The following GALNT5 variants were observed in gnomAD, a reference collection of about 807,000 sequenced individuals.
GALNT5 encodes the protein polypeptide N-acetylgalactosaminyltransferase 5, also known as UDP-GalNAc:polypeptide N-acetylgalactosaminyltransferase 5.
GALNT5 carries 72 observed loss-of-function variants against 85.4 expected under a neutral mutation model. That is an observed-to-expected ratio of 0.84 (90% CI 0.70 to 1.03). The LOEUF is 1.03. Ranked by LOEUF, GALNT5 falls within the 50% of genes least tolerant of loss-of-function variation. GALNT5 has a pLI of 0.00. For synonymous variants in GALNT5, 404 were observed against 397.0 expected, an observed-to-expected ratio of 1.02 and a Z score of -0.21; for missense variants, 1,137 against 1,135.5, an observed-to-expected ratio of 1.00 and a Z score of -0.02.
chr2:157,305,897 C>A, intron 8 of GALNT5, 68 bp downstream of exon 8: 1 of 838,462 alleles, frequency 1.2e-6, no homozygotes, highest in Non-Finnish European at 2.0e-6. Flanking sequence ...CATTGCTCAA[C>A]TGAGAAATTC....
intron 9 of GALNT5, among the ~76,000 whole-genome samples, chr2:157,310,764 T>C (rs907704699): frequency 3.3e-5 from 5 of 152,182 alleles, no homozygotes; most frequent in African/African-American, 1.2e-4. Flanking sequence ...AAGGAGCTCA[T>C]AAATAAAATA....
intron 8 of GALNT5, among the ~76,000 whole-genome samples, chr2:157,307,485 T>C (rs151274445): frequency 4.7e-4 from 72 of 152,318 alleles, no homozygotes; most frequent in Admixed American, 1.4e-3. Flanking sequence ...AACTTCCTTA[T>C]ATTATGCCAT....
At chr2:157,304,277 T>A (rs1392347908) in intron 7 of GALNT5, among the ~76,000 whole-genome samples, 1 of 152,214 alleles carries the variant, frequency 6.6e-6, no homozygotes, top group African/African-American at 2.4e-5. Flanking sequence ...CCTCCCATAT[T>A]TGTCATTTTA....
At chr2:157,273,290 T>C (rs941787623) in intron 1 of GALNT5, among the ~76,000 whole-genome samples, 10 of 152,192 alleles carry the variant, frequency 6.6e-5, no homozygotes, top group African/African-American at 2.2e-4. Context: ...AGTTCCAAAA[T>C]TGTCCTCTAA....
rs1259155457 is a variant in GALNT5 at position 157,311,819 on chromosome 2, T to G, written c.*471T>G. 1 of 153,214 alleles carries G rather than the reference T, an allele frequency of 6.5e-6. No homozygotes were observed. The highest frequency in any genetic ancestry group is 1.5e-5 in the Non-Finnish European group (1 of 68,842). 9.5% of individuals were successfully genotyped at this position (153,214 alleles called of 1,614,324 possible). On this transcript the variant is annotated 3_prime_UTR_variant, in exon 10 of 10. Transcript: ENST00000259056. ...GTTCTTATGGCTAGAAGACCTCAGATGCCCACAGCTGTCACGTTTGTGAAA... is the reference window on the plus strand; with the variant it reads ...GTTCTTATGGCTAGAAGACCTCAGAGGCCCACAGCTGTCACGTTTGTGAAA...
chr2:157,285,302 C>T (rs1011905497), intron 2 of GALNT5, among the ~76,000 whole-genome samples: 1 of 152,040 alleles, frequency 6.6e-6, no homozygotes, highest in African/African-American at 2.4e-5. Context: ...GGAATAGTAC[C>T]CAATTAGTAA....
rs1199808841 is a variant in GALNT5 at position 157,311,785 on chromosome 2, A to G, written c.*437A>G. The stretch of plus-strand genomic sequence containing the variant: ...TTGGGGATTTTTTCATCAAACAAAA[A>G]TTTCTTGAGTTCTTATGGCTAGAAG... On this transcript the variant is annotated 3_prime_UTR_variant, in exon 10 of 10. Transcript: ENST00000259056. The G allele has an allele frequency of 6.5e-6, 1 of 153,900 alleles. No homozygotes were observed. Among genetic ancestry groups the G allele is most frequent in the African/African-American group, 2.4e-5 (1 of 41,458 alleles). The allele number at this position is 153,900 out of a possible 1,614,324, so 9.5% of individuals were successfully genotyped here. A position where few individuals can be genotyped will look rare whatever the true frequency, so the allele number is the denominator to read the frequency against.
At chr2:157,287,272 T>C (rs545548379) in intron 3 of GALNT5, among the ~76,000 whole-genome samples, 1 of 152,326 alleles carries the variant, frequency 6.6e-6, no homozygotes, top group East Asian at 1.9e-4. Flanking sequence ...CCATTGATCA[T>C]CCTTGCTTAA....
intron 9 of GALNT5, among the ~76,000 whole-genome samples, chr2:157,310,320 G>A (rs1438150166): frequency 1.3e-5 from 2 of 152,022 alleles, no homozygotes; most frequent in Admixed American, 1.3e-4. Flanking sequence ...TTTTTCAGTA[G>A]TTTTCATGCT....
chr2:157,302,128 C>T lies in GALNT5; in HGVS notation c.2439+1129C>T, dbSNP rs191533970. 269 of 152,298 alleles carry T rather than the reference C, an allele frequency of 1.8e-3. 1 individual carries two copies. The highest frequency in any genetic ancestry group is 6.2e-3 in the African/African-American group (257 of 41,552). The allele number at this position is 152,298 out of a possible 1,614,324, so 9.4% of individuals were successfully genotyped here. Reference sequence around the variant, plus strand: ...CCCCAGTGTTTTTGTTTTATTTCAGCTTCCTTTTTCTTCATCCAAGAAATT... The same window carrying T: ...CCCCAGTGTTTTTGTTTTATTTCAGTTTCCTTTTTCTTCATCCAAGAAATT... On this transcript the variant is annotated intron_variant, in intron 7 of 9. Transcript: ENST00000259056.
chr2:157,269,958 G>A (rs953375517), intron 1 of GALNT5, among the ~76,000 whole-genome samples: 7 of 151,504 alleles, frequency 4.6e-5, no homozygotes, highest in African/African-American at 1.7e-4. Flanking sequence ...GAACTGATTT[G>A]ATTTTTTTTT....
In GALNT5 at chr2:157,317,680, T is replaced by A. The variant is rs1464322988; in HGVS notation, c.*6332T>A. Among the ~76,000 whole-genome samples the A allele has an allele frequency of 6.6e-6, 1 of 152,174 alleles. No homozygotes were observed. The highest frequency in any genetic ancestry group is 1.5e-5 in the Non-Finnish European group (1 of 68,014). ...GTTATTATAAAGAAGGAATCAAGTA[T>A]GTAACTTTAAATTCTAGGTAAACAT... On this transcript the variant is annotated 3_prime_UTR_variant, in exon 10 of 10. Coordinates refer to ENST00000259056, the MANE Select transcript of GALNT5 (RefSeq NM_014568.3).
Position 157,258,213 on chromosome 2 carries a change from TC to T in GALNT5, c.132del (p.Ile45SerfsTer6). 1 of 1,613,758 alleles carries T rather than the reference TC, an allele frequency of 6.2e-7. No homozygotes were observed. Among genetic ancestry groups the T allele is most frequent in the Non-Finnish European group, 8.5e-7 (1 of 1,179,938 alleles). On this transcript the variant is annotated frameshift_variant, in exon 1 of 10. Coordinates refer to ENST00000259056, the MANE Select transcript of GALNT5 (RefSeq NM_014568.3). LOFTEE classifies it high-confidence loss of function. ...TCATTCAGTGAGATCAACACTCGGG[TC>T]ATCAAGGAAGACATTGTGAGGAGGG... ...RLSFSEINTRVIKEDIVRRER... is the reference protein window; with the variant it reads ...RLSFSEINTRXIKEDIVRRER...
At chr2:157,282,061 G>A (rs1682866696) in intron 1 of GALNT5, among the ~76,000 whole-genome samples, 2 of 152,190 alleles carry the variant, frequency 1.3e-5, no homozygotes. Flanking sequence ...ATTCAGAAGT[G>A]CTAATGCATG....
intron 9 of GALNT5, among the ~76,000 whole-genome samples, chr2:157,310,514 C>A (rs923940149): frequency 2.6e-5 from 4 of 152,040 alleles, no homozygotes; most frequent in African/African-American, 9.7e-5. Context: ...TGTTTGATAA[C>A]TTTTTAAAGT....
chr2:157,295,766 A>G lies in GALNT5; in HGVS notation c.1845A>G (p.Pro615=). The part of the protein sequence containing the change: ...VYLSRKKVAC[P]VIEVINDKDM... Reference sequence around the variant, plus strand: ...TAAGTAGAAAGAAAGTGGCCTGTCCAGTAATCGAAGTCATCAATGATAAGG... The same window carrying G: ...TAAGTAGAAAGAAAGTGGCCTGTCCGGTAATCGAAGTCATCAATGATAAGG... Residue 615 remains proline, a synonymous_variant, in exon 4 of 10, where the codon CCA becomes CCG. Transcript: ENST00000259056. The G allele has an allele frequency of 1.2e-6, 2 of 1,608,430 alleles. No individual in the cohort carries two copies. The highest frequency in any genetic ancestry group is 1.7e-6 in the Non-Finnish European group (2 of 1,175,148).
Position 157,299,654 on chromosome 2 carries a change from C to T in GALNT5, c.2104C>T (p.Leu702Phe), listed in dbSNP as rs761334325. 1.9e-6 allele frequency: 3 copies of T among 1,579,306 alleles called. No individual in the cohort carries two copies. The highest frequency in any genetic ancestry group is 2.6e-6 in the Non-Finnish European group (3 of 1,149,464). Reference sequence around the variant, plus strand: ...TGTTTGGGGTGGGGAAAATATGGAGCTCTCATTCAAGGTATTACCAGGTGT... The same window carrying T: ...TGTTTGGGGTGGGGAAAATATGGAGTTCTCATTCAAGGTATTACCAGGTGT... ...LDVWGGENME[L>F]SFKVWMCGGE... Residue 702 changes from leucine to phenylalanine, a missense_variant, in exon 6 of 10, where the codon CTC becomes TTC. By Grantham distance (22) the Leu-to-Phe change is conservative (BLOSUM62 0). Transcript: ENST00000259056.
Position 157,258,812 on chromosome 2 carries a change from A to C in GALNT5, c.730A>C (p.Thr244Pro). 1.9e-6 allele frequency: 3 copies of C among 1,598,828 alleles called. No individual in the cohort carries two copies. Among genetic ancestry groups the C allele is most frequent in the Non-Finnish European group, 2.6e-6 (3 of 1,169,928 alleles). Reference protein sequence around the residue: ...VANERAHPASTAVPKSGEAMA... With the variant: ...VANERAHPASPAVPKSGEAMA... ...AAACGAGAGGGCACACCCTGCCAGC[A>C]CAGCAGTGCCGAAGTCTGGGGAAGC... The change falls in exon 1 of 10, where the codon ACA (threonine) becomes CCA (proline). Residue 244 changes from threonine to proline, a missense_variant. Transcript: ENST00000259056.
chr2:157,288,390 T>A (rs1225268877), intron 3 of GALNT5, among the ~76,000 whole-genome samples: 2 of 152,216 alleles, frequency 1.3e-5, no homozygotes. Flanking sequence ...AAAGTAATTA[T>A]CTATAAATGA....
Sources: gnomAD v4.1 joint callset for allele counts (sites outside exome capture counted in the v4.1 genomes callset) on GRCh38, gnomAD v4.1.1 for gene constraint, MANE v1.5 for transcripts, NCBI Gene and HGNC (gene_info 2026-07-23, HGNC 2026-07-21) for gene names.